The following PTPRA variants were observed in gnomAD, a reference collection of about 807,000 sequenced individuals.
PTPRA encodes receptor-type tyrosine-protein phosphatase alpha.
A neutral mutation model predicts 104.8 loss-of-function variants in PTPRA; 25 were observed. That is an observed-to-expected ratio of 0.24 (90% CI 0.17 to 0.33). The LOEUF is 0.33. PTPRA is among the 10% of genes least tolerant of loss of function. PTPRA has a pLI of 1.00. For synonymous variants in PTPRA, 323 were observed against 368.9 expected, an observed-to-expected ratio of 0.88 and a Z score of 1.43; for missense variants, 765 against 1,015.3, an observed-to-expected ratio of 0.75 and a Z score of 3.35.
intron 13 of PTPRA, among the ~76,000 whole-genome samples, chr20:3,019,940 G>A (rs954931369): frequency 1.3e-5 from 2 of 151,862 alleles, no homozygotes; most frequent in Non-Finnish European, 2.9e-5. Flanking sequence ...CAGGCGTGGC[G>A]GCGCGCGCCT....
At chr20:2,954,284 G>T (rs2061459261) in intron 3 of PTPRA, among the ~76,000 whole-genome samples, 1 of 151,916 alleles carries the variant, frequency 6.6e-6, no homozygotes, top group Non-Finnish European at 1.5e-5. Context: ...TCACCATGTT[G>T]GCCAGGCTGG....
In PTPRA at chr20:3,026,789, C is replaced by T. The variant is rs764984966; in HGVS notation, c.1708+9C>T. The T allele has an allele frequency of 7.1e-6, 11 of 1,544,536 alleles. No individual in the cohort carries two copies. The South Asian group carries it at 1.1e-4, about 15-fold the overall frequency. On this transcript the variant is annotated intron_variant, in intron 18 of 23. Coordinates refer to ENST00000399903, the MANE Select transcript of PTPRA (RefSeq NM_001385305.1). ...TTTACAGATCATTCCATGTAAGAGC[C>T]CTCCCGCCACTCCAAAGCCTTATTG...
At chr20:2,864,706 G>A in the PTPRA span, 4 of 1,576,456 alleles carry the variant, frequency 2.5e-6, no homozygotes, top group African/African-American at 1.3e-5. This position sits in a 1 kb window ranked among gnomAD's most constrained non-coding sequence, Gnocchi z 5.2. Context: ...GGCTGGGGCT[G>A]TTGGTCCGGT....
At chr20:3,029,538 A>ATTTTTTTTTTTTTTTTTTTTTTT (rs1390310900) in intron 20 of PTPRA, among the ~76,000 whole-genome samples, 1 of 35,638 alleles carries the variant, frequency 2.8e-5, no homozygotes, top group Non-Finnish European at 4.2e-5. Flanking sequence ...GGTCTTCATC[A>ATTTTTTTTTTTTTTTTTTTTTTT]TCTTTTTTTT....
intron 4 of PTPRA, among the ~76,000 whole-genome samples, chr20:2,964,647 TTG>T (rs1278011096): frequency 6.6e-6 from 1 of 152,232 alleles, no homozygotes; most frequent in Non-Finnish European, 1.5e-5. Context: ...GTGAAGAATC[TTG>T]TGTCTTTCTC....
intron 1 of PTPRA, among the ~76,000 whole-genome samples, chr20:2,915,640 A>T (rs930070593): frequency 1.1e-4 from 16 of 152,172 alleles, no homozygotes; most frequent in Admixed American, 8.5e-4. Flanking sequence ...ATATCTAAGA[A>T]TCCATTTTCA....
the PTPRA span, chr20:2,864,403 C>T: frequency 1.2e-6 from 2 of 1,614,136 alleles, no homozygotes; most frequent in East Asian, 2.2e-5. The surrounding 1 kb of genome is among the most constrained non-coding windows in gnomAD (Gnocchi z 5.2). Flanking sequence ...CGAGCTGAAC[C>T]GAGGAGATTT....
chr20:2,898,372 G>A (rs1200775536), intron 1 of PTPRA, among the ~76,000 whole-genome samples: 3 of 151,486 alleles, frequency 2.0e-5, no homozygotes, highest in African/African-American at 4.8e-5. Context: ...GAGCCACCGC[G>A]CCTGGCAATT....
chr20:3,026,857 C>T, intron 18 of PTPRA, 77 bp downstream of exon 18: 6 of 1,244,260 alleles, frequency 4.8e-6, no homozygotes, highest in Non-Finnish European at 3.5e-6. Flanking sequence ...TTCTCAGGTA[C>T]TAGTTAATGA....
At chr20:2,898,624 G>A (rs1005779601) in intron 1 of PTPRA, among the ~76,000 whole-genome samples, 2 of 151,990 alleles carry the variant, frequency 1.3e-5, no homozygotes, top group Middle Eastern at 3.4e-3. Flanking sequence ...CTGGGAGGCC[G>A]AGGCTGGTGG....
chr20:2,931,076 A>T (rs944600619), intron 2 of PTPRA, among the ~76,000 whole-genome samples: 7 of 152,164 alleles, frequency 4.6e-5, no homozygotes, highest in African/African-American at 1.7e-4. Context: ...TCTGGACCAG[A>T]TCAATGTTAT....
intron 6 of PTPRA, among the ~76,000 whole-genome samples, chr20:2,980,275 A>G (rs1173899387): frequency 6.6e-6 from 1 of 151,938 alleles, no homozygotes; most frequent in Non-Finnish European, 1.5e-5. Context: ...CTTTTAAAAA[A>G]TATCAATGTA....
At chr20:2,899,876 G>A (rs995334802) in intron 1 of PTPRA, among the ~76,000 whole-genome samples, 1 of 152,142 alleles carries the variant, frequency 6.6e-6, no homozygotes, top group Non-Finnish European at 1.5e-5. Flanking sequence ...GGAGGCCAAG[G>A]CAGGTAGATC....
chr20:2,918,108 A>G (rs1298971870), intron 1 of PTPRA, among the ~76,000 whole-genome samples: 1 of 146,390 alleles, frequency 6.8e-6, no homozygotes, highest in Non-Finnish European at 1.5e-5. Context: ...AAAAAAAAAA[A>G]GACAGTGTTT....
intron 2 of PTPRA, among the ~76,000 whole-genome samples, chr20:2,946,957 C>A (rs1351556110): frequency 6.6e-6 from 1 of 151,994 alleles, no homozygotes; most frequent in Admixed American, 6.6e-5. Flanking sequence ...CATTGATGAA[C>A]CTGAAATGTT....
chr20:3,022,158 G>A lies in PTPRA; in HGVS notation c.1266G>A (p.Lys422=). Residue 422 remains lysine, a synonymous_variant, in exon 15 of 24, where the codon AAG becomes AAA. Coordinates refer to ENST00000399903, the MANE Select transcript of PTPRA (RefSeq NM_001385305.1). The surrounding 1 kb of genome is among the most constrained non-coding windows in gnomAD (Gnocchi z 4.6). Reference sequence around the variant, plus strand: ...CTTTTACCCCGATCGGCATGCTCAAGTTCCTCAAGAAGGTGAAGGCCTGTA... The same window carrying A: ...CTTTTACCCCGATCGGCATGCTCAAATTCCTCAAGAAGGTGAAGGCCTGTA... The part of the protein sequence containing the change: ...GVPFTPIGML[K]FLKKVKACNP... The A allele has an allele frequency of 6.2e-7, 1 of 1,614,228 alleles. No individual in the cohort carries two copies. Among genetic ancestry groups the A allele is most frequent in the Non-Finnish European group, 8.5e-7 (1 of 1,180,028 alleles).
chr20:2,942,933 A>T (rs987956875), intron 2 of PTPRA, among the ~76,000 whole-genome samples: 14 of 152,184 alleles, frequency 9.2e-5, no homozygotes, highest in Middle Eastern at 3.4e-3. Flanking sequence ...TAAATTAGGC[A>T]CAGTAAAAAA....
At chr20:3,003,613 T>C (rs2063730141) in intron 9 of PTPRA, among the ~76,000 whole-genome samples, 1 of 151,982 alleles carries the variant, frequency 6.6e-6, no homozygotes, top group South Asian at 2.1e-4. Flanking sequence ...GGTATAATCA[T>C]GGCCTTGAAC....
At chr20:2,953,244 TTTTTA>T (rs2061411423) in intron 3 of PTPRA, among the ~76,000 whole-genome samples, 1 of 151,786 alleles carries the variant, frequency 6.6e-6, no homozygotes, top group Admixed American at 6.6e-5. Flanking sequence ...ATTTTGGGGT[TTTTTA>T]TTTTATTTAT....
Sources: allele counts gnomAD v4.1 joint callset (sites outside exome capture counted in the v4.1 genomes callset), GRCh38; gene constraint gnomAD v4.1.1; non-coding constraint Gnocchi (gnomAD v3.1); transcripts MANE v1.5; gene names NCBI Gene and HGNC (gene_info 2026-07-23, HGNC 2026-07-21).